RNGTT: variants seen among roughly 807,000 people sequenced by gnomAD.
RNGTT encodes the protein RNA guanylyltransferase and 5'-phosphatase.
Under a neutral mutation model 79.3 loss-of-function variants are expected in RNGTT, and 33 were observed. The observed-to-expected ratio is 0.42, with a 90% confidence interval of 0.32 to 0.56. The LOEUF (loss-of-function observed/expected upper bound fraction) is 0.56, where lower values mean the gene tolerates loss of function less well. RNGTT is among the 20% of genes least tolerant of loss of function. The pLI is 0.17. For missense variants in RNGTT, 497 were observed against 739.1 expected, an observed-to-expected ratio of 0.67 and a Z score of 3.80; for synonymous variants, 222 against 235.9, an observed-to-expected ratio of 0.94 and a Z score of 0.54.
In RNGTT at chr6:88,667,262, C is replaced by A. The variant is rs546172503; in HGVS notation, c.1506+11091G>T. Reference sequence around the variant, plus strand: ...GATAAAGGAAGGATGGATCTGGTTACCAGACAGAAGAGTAGCCATGCCACA... The same window carrying A: ...GATAAAGGAAGGATGGATCTGGTTAACAGACAGAAGAGTAGCCATGCCACA... On this transcript the variant is annotated intron_variant, in intron 14 of 15. Transcript: ENST00000369485. Among the ~76,000 whole-genome samples, 5 of 152,296 alleles carry A rather than the reference C, an allele frequency of 3.3e-5. No homozygotes were observed. The South Asian group carries it at 1.0e-3, about 32-fold the overall frequency.
chr6:88,857,810 T>C (rs138348446), intron 8 of RNGTT, among the ~76,000 whole-genome samples: 1 of 152,256 alleles, frequency 6.6e-6, no homozygotes, highest in East Asian at 1.9e-4. Flanking sequence ...CCCATCTCTA[T>C]GTATTAGAAT....
rs1773515301 is a variant in RNGTT, at chr6:88,645,558, C to T, written c.1507-31163G>A. On this transcript the variant is annotated intron_variant, in intron 14 of 15. Transcript: ENST00000369485. ...CCTGCATTGTCAAGACAATCCTCAG[C>T]CAAAAGAACAAAGCTGGAGGCATCA... Among the ~76,000 whole-genome samples, 13 of 152,134 alleles carry T rather than the reference C, an allele frequency of 8.5e-5. No individual in the cohort carries two copies. The South Asian group carries it at 2.3e-3, about 27-fold the overall frequency.
chr6:88,943,924 C>G (rs148755574), intron 1 of RNGTT, among the ~76,000 whole-genome samples: 1 of 152,340 alleles, frequency 6.6e-6, no homozygotes, highest in African/African-American at 2.4e-5. Flanking sequence ...TGTGCCTACA[C>G]ATATGTAGCT....
intron 11 of RNGTT, among the ~76,000 whole-genome samples, chr6:88,819,438 AT>A (rs1177647417): frequency 6.6e-6 from 1 of 152,232 alleles, no homozygotes; most frequent in Non-Finnish European, 1.5e-5. Flanking sequence ...TAATAAACAC[AT>A]GTGCCACAAA....
intron 4 of RNGTT, among the ~76,000 whole-genome samples, chr6:88,919,007 T>C (rs542843105): frequency 4.6e-5 from 7 of 152,338 alleles, no homozygotes; most frequent in African/African-American, 1.7e-4. Flanking sequence ...ATTCTTTATA[T>C]GCAAATACAA....
At chr6:88,657,995 A>C (rs1402840400) in intron 14 of RNGTT, among the ~76,000 whole-genome samples, 1 of 152,136 alleles carries the variant, frequency 6.6e-6, no homozygotes, top group Non-Finnish European at 1.5e-5. Context: ...AAGACAAAAG[A>C]CATAAACTCT....
chr6:88,711,213 C>T (rs78972634), intron 13 of RNGTT, among the ~76,000 whole-genome samples: 4,109 of 152,198 alleles, frequency 0.027, 181 homozygotes, highest in African/African-American at 0.094. Flanking sequence ...GTCAACAGTA[C>T]ATACTTAGTT....
intron 11 of RNGTT, among the ~76,000 whole-genome samples, chr6:88,835,257 C>T (rs1454899978): frequency 1.3e-5 from 2 of 151,838 alleles, no homozygotes; most frequent in Admixed American, 1.3e-4. Flanking sequence ...CAGGGACTTG[C>T]TTATTTTTTT....
intron 13 of RNGTT, among the ~76,000 whole-genome samples, chr6:88,704,910 T>C (rs1341262308): frequency 1.3e-5 from 2 of 152,100 alleles, no homozygotes; most frequent in Non-Finnish European, 2.9e-5. Flanking sequence ...TGTCAGACTC[T>C]GGACCAGGTA....
At chr6:88,673,659 G>A (rs1406863634) in intron 14 of RNGTT, among the ~76,000 whole-genome samples, 8 of 152,114 alleles carry the variant, frequency 5.3e-5, no homozygotes, top group Admixed American at 5.2e-4. Context: ...CAGGCATAAA[G>A]GATTGACAAA....
At position 88,911,396 on chromosome 6, in the gene RNGTT, C is replaced by T. The variant is rs140141212; in HGVS notation, c.368-4956G>A. The stretch of plus-strand genomic sequence containing the variant: ...TAAAAAAGGACAAAGAGGATCATTA[C>T]GTGATAAAAAGTTCAATTCAACAAG... On this transcript the variant is annotated intron_variant, in intron 4 of 15. Coordinates refer to ENST00000369485, the MANE Select transcript of RNGTT (RefSeq NM_003800.5). Among the ~76,000 whole-genome samples the T allele has an allele frequency of 1.5e-3, 229 of 152,230 alleles. 5 individuals are homozygous for T. In the East Asian group the frequency reaches 0.039, roughly 26 times the overall value.
chr6:88,768,042 T>C (rs772193812), intron 13 of RNGTT, among the ~76,000 whole-genome samples: 3 of 152,216 alleles, frequency 2.0e-5, no homozygotes, highest in Non-Finnish European at 4.4e-5. Flanking sequence ...CAGACTCATA[T>C]AGAGCTCAAT....
At chr6:88,679,835 T>C (rs1310245155) in intron 13 of RNGTT, among the ~76,000 whole-genome samples, 2 of 152,204 alleles carry the variant, frequency 1.3e-5, no homozygotes, top group African/African-American at 2.4e-5. Context: ...CTTTTCATAA[T>C]GGACATTGTG....
At chr6:88,629,341 G>A (rs1318916394) in intron 14 of RNGTT, among the ~76,000 whole-genome samples, 1 of 152,054 alleles carries the variant, frequency 6.6e-6, no homozygotes. Context: ...AAAGATGCAG[G>A]GGGAAAAAAG....
chr6:88,945,780 G>A (rs1784988837), intron 1 of RNGTT, among the ~76,000 whole-genome samples: 1 of 152,162 alleles, frequency 6.6e-6, no homozygotes, highest in Non-Finnish European at 1.5e-5. Context: ...TGGGATACGG[G>A]CCAAAGTTAG....
intron 14 of RNGTT, among the ~76,000 whole-genome samples, chr6:88,648,281 T>A (rs1169036783): frequency 6.6e-6 from 1 of 152,144 alleles, no homozygotes; most frequent in African/African-American, 2.4e-5. Context: ...AGAAGCCATC[T>A]GAATTATTGG....
At chr6:88,833,103 C>G (rs929936998) in intron 11 of RNGTT, among the ~76,000 whole-genome samples, 1 of 152,134 alleles carries the variant, frequency 6.6e-6, no homozygotes, top group Non-Finnish European at 1.5e-5. Flanking sequence ...ATAAATCATT[C>G]TACTAAAAGA....
chr6:88,625,011 T>C lies in RNGTT; in HGVS notation c.1507-10616A>G, dbSNP rs528123368. ...ATTTTAGTCATTAGGAAAATGCAAA[T>C]TAAAATCACACTGAGATACTATATA... On this transcript the variant is annotated intron_variant, in intron 14 of 15. Transcript: ENST00000369485. Among the ~76,000 whole-genome samples, 4 of 151,952 alleles carry C rather than the reference T, an allele frequency of 2.6e-5. No individual in the cohort carries two copies. In the South Asian group the frequency reaches 8.3e-4, roughly 31 times the overall value.
rs539300990 is a variant in RNGTT, at chr6:88,687,670, A to AC, written c.1440-9252_1440-9251insG. 7.2e-5 allele frequency among the ~76,000 whole-genome samples: 11 copies of AC among 152,298 alleles called. No individual in the cohort carries two copies. The East Asian group carries it at 1.9e-3, about 27-fold the overall frequency. On this transcript the variant is annotated intron_variant, in intron 13 of 15. Transcript: ENST00000369485. The stretch of plus-strand genomic sequence containing the variant: ...ATATTTACTGTGTTAAGTGAAAAAA[A>AC]GAAGGCGCAAGAGAGGATATATAGT...
Sources: allele counts gnomAD v4.1 joint callset (sites outside exome capture counted in the v4.1 genomes callset), GRCh38; gene constraint gnomAD v4.1.1; transcripts MANE v1.5; gene names NCBI Gene and HGNC (gene_info 2026-07-23, HGNC 2026-07-21).